Variants in OOSP3 observed in about 807,000 individuals in gnomAD.
OOSP3 encodes the protein oocyte secreted protein family member 3.
intron 2 of OOSP3, among the ~76,000 whole-genome samples, chr11:59,887,771 G>T (rs1175878327): frequency 6.6e-6 from 1 of 152,116 alleles, no homozygotes; most frequent in Non-Finnish European, 1.5e-5. Flanking sequence ...GATTGTCCTG[G>T]CTGTACAAGC....
intron 2 of OOSP3, among the ~76,000 whole-genome samples, chr11:59,892,652 C>T (rs940893813): frequency 1.3e-5 from 2 of 151,812 alleles, no homozygotes; most frequent in Admixed American, 1.3e-4. Context: ...GTCTATTCCT[C>T]TTGAGCACAT....
At chr11:59,883,927 C>T (rs1236844295) in intron 2 of OOSP3, among the ~76,000 whole-genome samples, 1 of 152,164 alleles carries the variant, frequency 6.6e-6, no homozygotes, top group Non-Finnish European at 1.5e-5. Context: ...AATTGTTATG[C>T]ACTAAATGAA....
chr11:59,880,021 C>T (rs1227760857), intron 1 of OOSP3, among the ~76,000 whole-genome samples: 1 of 152,150 alleles, frequency 6.6e-6, no homozygotes, highest in African/African-American at 2.4e-5. Context: ...TAATGTTGAA[C>T]TTTTAAGGAA....
chr11:59,891,412 G>T (rs1247840507), intron 2 of OOSP3, among the ~76,000 whole-genome samples: 1 of 152,192 alleles, frequency 6.6e-6, no homozygotes, highest in African/African-American at 2.4e-5. Flanking sequence ...CTTCTTGGAT[G>T]TATCTACCTT....
At chr11:59,893,954 T>C (rs1356405680) in intron 2 of OOSP3, 125 bp from the exon 3 acceptor site, 3 of 394,858 alleles carry the variant, frequency 7.6e-6, no homozygotes, top group Non-Finnish European at 1.3e-5. Flanking sequence ...TTTCCAGCTC[T>C]CTGCAGAGAG....
At chr11:59,883,746 A>G (rs557323828) in intron 2 of OOSP3, among the ~76,000 whole-genome samples, 1 of 152,326 alleles carries the variant, frequency 6.6e-6, no homozygotes, top group East Asian at 1.9e-4. Flanking sequence ...GGGACTGCAC[A>G]ATAATCCTGT....
At chr11:59,890,887 C>A (rs1853305618) in intron 2 of OOSP3, among the ~76,000 whole-genome samples, 1 of 152,164 alleles carries the variant, frequency 6.6e-6, no homozygotes, top group Non-Finnish European at 1.5e-5. Flanking sequence ...AAACTTGGTT[C>A]CATCTTCCCT....
chr11:59,880,413 G>T, exon 2 of OOSP3: 1 of 398,522 alleles, frequency 2.5e-6, no homozygotes, highest in Non-Finnish European at 4.4e-6. Context: ...TAATTACCCT[G>T]CCACTCAGTG....
chr11:59,894,006 G>A (rs918636293), intron 2 of OOSP3, 73 bp from the exon 3 acceptor site: 5 of 397,230 alleles, frequency 1.3e-5, no homozygotes, highest in Non-Finnish European at 2.2e-5. Flanking sequence ...ATCTTGATCT[G>A]TTCACTGTTC....
intron 2 of OOSP3, among the ~76,000 whole-genome samples, chr11:59,884,613 C>T (rs1853236023): frequency 6.6e-6 from 1 of 151,854 alleles, no homozygotes; most frequent in Admixed American, 6.6e-5. Context: ...AATTCTGCTG[C>T]CTCAAGGCTC....
chr11:59,881,319 C>T (rs574257384), intron 2 of OOSP3, among the ~76,000 whole-genome samples: 65 of 151,012 alleles, frequency 4.3e-4, no homozygotes, highest in African/African-American at 1.4e-3. Flanking sequence ...GAGCCAAGAT[C>T]ATGCCACTGC....
At chr11:59,884,331 C>T (rs73490945) in intron 2 of OOSP3, among the ~76,000 whole-genome samples, 2,027 of 151,960 alleles carry the variant, frequency 0.013, 48 homozygotes, top group African/African-American at 0.045. Flanking sequence ...AGAAATAGAA[C>T]TGATTTCTGT....
chr11:59,883,664 A>G (rs921572090), intron 2 of OOSP3, among the ~76,000 whole-genome samples: 2 of 152,240 alleles, frequency 1.3e-5, no homozygotes, highest in African/African-American at 4.8e-5. Context: ...AACAAAATAT[A>G]TGGTGCTTAG....
chr11:59,891,214 A>C (rs1317426626), intron 2 of OOSP3, among the ~76,000 whole-genome samples: 1 of 152,210 alleles, frequency 6.6e-6, no homozygotes, highest in African/African-American at 2.4e-5. Flanking sequence ...ACATTGGGTT[A>C]GAACATAATC....
intron 2 of OOSP3, among the ~76,000 whole-genome samples, chr11:59,891,644 C>T (rs760653902): frequency 6.6e-6 from 1 of 152,158 alleles, no homozygotes; most frequent in African/African-American, 2.4e-5. Flanking sequence ...GGAGCTTTGT[C>T]CCAGGGGAGG....
At chr11:59,895,580 T>G (rs1565220917) in exon 4 of OOSP3, 1 of 398,378 alleles carries the variant, frequency 2.5e-6, no homozygotes, top group Non-Finnish European at 4.4e-6. Context: ...CTACCAATTC[T>G]TATTCTCCCT....
At chr11:59,896,457 A>G in exon 5 of OOSP3, 1 of 301,928 alleles carries the variant, frequency 3.3e-6, no homozygotes. Context: ...TTGATCTTAC[A>G]AATAAAATGT....
intron 1 of OOSP3, among the ~76,000 whole-genome samples, chr11:59,879,542 TG>T (rs1853181861): frequency 6.6e-6 from 1 of 152,118 alleles, no homozygotes; most frequent in African/African-American, 2.4e-5. Flanking sequence ...AATACAGTGA[TG>T]AATTGCTTTA....
intron 2 of OOSP3, among the ~76,000 whole-genome samples, chr11:59,886,523 CTT>C (rs111908921): frequency 0.028 from 4,234 of 152,228 alleles, 198 homozygotes; most frequent in African/African-American, 0.092. Flanking sequence ...AGTTGTAAAT[CTT>C]TGAGGAATCA....
Sources: gnomAD v4.1 joint callset for allele counts (sites outside exome capture counted in the v4.1 genomes callset) on GRCh38, gnomAD v4.1.1 for gene constraint, MANE v1.5 for transcripts, NCBI Gene and HGNC (gene_info 2026-07-23, HGNC 2026-07-21) for gene names.